The following GJA5 variants were observed in gnomAD, a reference collection of about 807,000 sequenced individuals.
GJA5 encodes the protein gap junction protein alpha 5, also known as gap junction alpha-5 protein.
In GJA5, 3 loss-of-function variants were observed where a neutral mutation model predicts 7.9. The ratio of observed to expected loss-of-function variants is 0.38; its 90% confidence interval spans 0.17 to 0.99. The LOEUF (loss-of-function observed/expected upper bound fraction) is 0.99. GJA5 is among the 50% of genes least tolerant of loss of function. GJA5 has a pLI of 0.38. For missense variants in GJA5, 390 were observed against 457.9 expected (o/e 0.85, Z 1.35); for synonymous variants, 193 against 181.0 (o/e 1.07, Z -0.53).
chr1:147,766,747 A>G (rs1571077087), intron 1 of GJA5, among the ~76,000 whole-genome samples: 1 of 152,294 alleles, frequency 6.6e-6, no homozygotes, highest in South Asian at 2.1e-4. Context: ...TCTGGACAGT[A>G]TCTAACAGAT....
chr1:147,772,353 T>A (rs587684838), intron 1 of GJA5, among the ~76,000 whole-genome samples: 74 of 152,300 alleles, frequency 4.9e-4, no homozygotes, highest in Middle Eastern at 6.8e-3. Context: ...CCTTTTTCAG[T>A]GGTTCTGAGT....
At chr1:147,767,269 T>C (rs937985375) in intron 1 of GJA5, among the ~76,000 whole-genome samples, 3 of 152,122 alleles carry the variant, frequency 2.0e-5, no homozygotes, top group Non-Finnish European at 1.5e-5. Context: ...GTGATAATAA[T>C]AATAATGGAA....
intron 1 of GJA5, among the ~76,000 whole-genome samples, chr1:147,769,644 C>T (rs990115557): frequency 3.3e-5 from 5 of 152,082 alleles, no homozygotes; most frequent in Admixed American, 1.3e-4. Context: ...TGGTTAGTGA[C>T]ACAGCAAGGA....
chr1:147,756,279 T>C lies in GJA5; in HGVS notation c.*1883A>G, dbSNP rs1663728893. The C allele has an allele frequency of 6.6e-6, 1 of 152,204 alleles. No individual in the cohort carries two copies. 9.4% of individuals were successfully genotyped at this position (152,204 alleles called of 1,614,324 possible). Reference sequence around the variant, plus strand: ...TTTCTAAAACCCTCACCATCAAAGATTGATCCCACAGAATTTCTAATTCAA... The same window carrying C: ...TTTCTAAAACCCTCACCATCAAAGACTGATCCCACAGAATTTCTAATTCAA... On this transcript the variant is annotated 3_prime_UTR_variant, in exon 2 of 2. Transcript: ENST00000579774.
rs1553227271 is a variant in GJA5 at position 147,760,485 on chromosome 1, C to T, written c.-34+14G>A. On this transcript the variant is annotated intron_variant, in intron 1 of 1. Transcript: ENST00000579774. ...AGCCTCTTCAGCTCCTGTGATGGCC[C>T]CCGGGACACTTACTCGTCTCCCAGT... 2 of 152,398 alleles carry T rather than the reference C, an allele frequency of 1.3e-5. No homozygotes were observed. The highest frequency in any genetic ancestry group is 2.4e-5 in the African/African-American group (1 of 41,442). 9.4% of individuals were successfully genotyped at this position (152,398 alleles called of 1,614,324 possible).
rs1663807045 is a variant in GJA5 at position 147,758,053 on chromosome 1, G to A, written c.*109C>T. 2.4e-6 allele frequency: 2 copies of A among 825,938 alleles called. No homozygotes were observed. The highest frequency in any genetic ancestry group is 3.5e-5 in the Admixed American group (2 of 56,388). 51.2% of individuals were successfully genotyped at this position (825,938 alleles called of 1,614,324 possible). ...ACGTCATTGAGACCCGGGGCTCAAA[G>A]GAGCCAAGCAGTGATGACAGTGAGA... is the stretch of plus-strand genomic sequence containing the variant. On this transcript the variant is annotated 3_prime_UTR_variant, in exon 2 of 2. Coordinates refer to ENST00000579774, the MANE Select transcript of GJA5 (RefSeq NM_181703.4).
chr1:147,762,049 A>G (rs116837651), upstream of GJA5, among the ~76,000 whole-genome samples: 1,257 of 152,310 alleles, frequency 8.3e-3, 4 homozygotes, highest in Non-Finnish European at 0.014. Context: ...ATAGAGTGCT[A>G]TGAGATGATG....
At chr1:147,762,803 A>G (rs1302087597), upstream of GJA5, among the ~76,000 whole-genome samples, 3 of 152,370 alleles carry the variant, frequency 2.0e-5, no homozygotes, top group Middle Eastern at 3.4e-3. Flanking sequence ...CATCTCAGCC[A>G]AAGAAATTTG....
chr1:147,772,054 G>GC, intron 1 of GJA5, among the ~76,000 whole-genome samples: 1 of 152,184 alleles, frequency 6.6e-6, no homozygotes, highest in East Asian at 1.9e-4. Flanking sequence ...ACAGCACCAG[G>GC]CAGTCAGAGG....
chr1:147,759,337 A>C lies in GJA5; in HGVS notation c.-33-66T>G, dbSNP rs1018844603. On this transcript the variant is annotated intron_variant, in intron 1 of 1. Transcript: ENST00000579774. ...TGTTCTGTGAAGGTCTGGAATGTCT[A>C]TCATGTTCTGGGATTCCACTGATCC... 3 of 886,642 alleles carry C rather than the reference A, an allele frequency of 3.4e-6. No homozygotes were observed. The Admixed American group carries it at 5.2e-5, about 15-fold the overall frequency. 54.9% of individuals were successfully genotyped at this position (886,642 alleles called of 1,614,324 possible).
upstream of GJA5, among the ~76,000 whole-genome samples, chr1:147,763,208 C>A (rs1355156450): frequency 6.6e-6 from 1 of 152,120 alleles, no homozygotes; most frequent in African/African-American, 2.4e-5. Flanking sequence ...TCATTTAATA[C>A]GTTTATTGAG....
upstream of GJA5, among the ~76,000 whole-genome samples, chr1:147,764,099 C>T (rs1268366362): frequency 6.6e-6 from 1 of 152,210 alleles, no homozygotes; most frequent in Non-Finnish European, 1.5e-5. Flanking sequence ...GCATGACCCA[C>T]CATGCCCGGC....
rs781966379 is a variant in GJA5 at position 147,758,508 on chromosome 1, T to A, written c.731A>T (p.His244Leu). Residue 244 changes from histidine (H) to leucine (L), a missense_variant, in exon 2 of 2, where the codon CAC becomes CTC. This residue lies in a region of GJA5 where 354 missense variants were observed against 370.9 expected (regional missense o/e 0.95). Coordinates refer to ENST00000579774, the MANE Select transcript of GJA5 (RefSeq NM_181703.4). ...IRQRFVKPRQHMAKCQLSGPS... is the reference protein window; with the variant it reads ...IRQRFVKPRQLMAKCQLSGPS... ...GCCAGAAAGCTGGCACTTAGCCATG[T>A]GCTGCCGCGGTTTGACAAATCGCTG... is the stretch of plus-strand genomic sequence containing the variant. The A allele has an allele frequency of 6.2e-7, 1 of 1,614,054 alleles. No individual in the cohort carries two copies. The highest frequency in any genetic ancestry group is 8.5e-7 in the Non-Finnish European group (1 of 1,179,972).
At position 147,758,582 on chromosome 1, in the gene GJA5, G is replaced by T; in HGVS notation, c.657C>A (p.Leu219=). 6.2e-7 allele frequency: 1 copy of T among 1,613,992 alleles called. No individual in the cohort carries two copies. Among genetic ancestry groups the T allele is most frequent in the Non-Finnish European group, 8.5e-7 (1 of 1,179,886 alleles). ...VFMLAVAALS[L]LLSLAELYHL... is the part of the protein sequence containing the mutation. ...GGTAGAGTTCAGCCAGGCTAAGGAG[G>T]AGGGACAGTGCAGCCACAGCCAGCA... Residue 219 remains leucine, a synonymous_variant, in exon 2 of 2, where the codon CTC becomes CTA. Transcript: ENST00000579774.
At chr1:147,771,274 T>G (rs1258721021) in intron 1 of GJA5, among the ~76,000 whole-genome samples, 16 of 151,872 alleles carry the variant, frequency 1.1e-4, no homozygotes, top group African/African-American at 3.9e-4. Context: ...AAAATGGAAT[T>G]GTAGAGACAC....
rs1663886437 is a variant in GJA5, at chr1:147,759,132, A to G, written c.107T>C (p.Val36Ala). The change falls in exon 2 of 2, where the codon GTG becomes GCG. Residue 36 changes from valine to alanine, a missense_variant. Physicochemically the swap from Val to Ala is moderately conservative, Grantham distance 64. This residue lies in a region of GJA5 where 36 missense variants were observed against 87.1 expected (regional missense o/e 0.41). Coordinates refer to ENST00000579774, the MANE Select transcript of GJA5 (RefSeq NM_181703.4). ...GGAAGACTCAGCAGCTGTGCCCAGC[A>G]CGAGCATACGGAATATGAAGAGGAC... ...LTVLFIFRML[V>A]LGTAAESSWG... is the part of the protein sequence containing the mutation. The G allele has an allele frequency of 6.2e-7, 1 of 1,613,082 alleles. No individual in the cohort carries two copies. The highest frequency in any genetic ancestry group is 1.3e-5 in the African/African-American group (1 of 74,924).
At chr1:147,759,685 G>A (rs1383372877) in intron 1 of GJA5, among the ~76,000 whole-genome samples, 1 of 152,174 alleles carries the variant, frequency 6.6e-6, no homozygotes, top group African/African-American at 2.4e-5. Flanking sequence ...GTATTAAAAA[G>A]AACACAAGAC....
chr1:147,771,481 G>A (rs1664401179), intron 1 of GJA5, among the ~76,000 whole-genome samples: 1 of 152,190 alleles, frequency 6.6e-6, no homozygotes, highest in Admixed American at 6.5e-5. Flanking sequence ...TGCCAAAGAA[G>A]GAGGCTGGTA....
chr1:147,759,651 G>A (rs2232187), intron 1 of GJA5, among the ~76,000 whole-genome samples: 11,672 of 152,258 alleles, frequency 0.077, 920 homozygotes, highest in East Asian at 0.23. Context: ...CAGGCGGTGA[G>A]GGACCGCACC....
Sources: gnomAD v4.1 joint callset for allele counts (sites outside exome capture counted in the v4.1 genomes callset) on GRCh38, gnomAD v4.1.1 for gene constraint, gnomAD v4.1.1 regional missense constraint, MANE v1.5 for transcripts, NCBI Gene and HGNC (gene_info 2026-07-23, HGNC 2026-07-21) for gene names.